The following MAP4 variants were observed in gnomAD, a reference collection of about 807,000 sequenced individuals.
The protein encoded by MAP4 is microtubule-associated protein 4.
In MAP4, 76 loss-of-function variants were observed where a neutral mutation model predicts 170.2. That is an observed-to-expected ratio of 0.45 (90% CI 0.37 to 0.54). The LOEUF (loss-of-function observed/expected upper bound fraction) is 0.54. Among genes scored for constraint, MAP4 ranks in the 20% least tolerant of loss-of-function variants. The probability of loss-of-function intolerance (pLI) is 0.00; values close to 1 mark genes in which losing one functional copy is unlikely to be tolerated. For missense variants in MAP4, 2,506 were observed against 2,748.0 expected, an observed-to-expected ratio of 0.91 and a Z score of 1.97; for synonymous variants, 909 against 994.5, an observed-to-expected ratio of 0.91 and a Z score of 1.62.
intron 3 of MAP4, among the ~76,000 whole-genome samples, chr3:47,937,656 C>CTTTTTTTTT (rs71070243): frequency 9.3e-6 from 1 of 107,934 alleles, no homozygotes; most frequent in African/African-American, 3.8e-5. Flanking sequence ...TTTTCTTCTT[C>CTTTTTTTTT]TTTTTTTTTT....
Position 48,076,599 on chromosome 3 carries a change from AG to A in MAP4, c.-20+12173del, listed in dbSNP as rs552029274. On this transcript the variant is annotated intron_variant, in intron 1 of 18. Coordinates refer to the MAP4 transcript ENST00000360240. ...GAGACTGAGGTGGAAGGATAGCTTG[AG>A]CCTGAGAGGTGGAGGCTGCAGTGGG... is the stretch of plus-strand genomic sequence containing the variant. 1.1e-3 allele frequency among the ~76,000 whole-genome samples: 172 copies of A among 152,076 alleles called. 1 individual carries two copies. Among genetic ancestry groups the A allele is most frequent in the Non-Finnish European group, 1.7e-3 (114 of 68,004 alleles).
In MAP4 at chr3:47,911,873, C is replaced by A; in HGVS notation, c.2548G>T (p.Val850Phe). 1 of 1,536,074 alleles carries A rather than the reference C, an allele frequency of 6.5e-7. No homozygotes were observed. The highest frequency in any genetic ancestry group is 8.7e-7 in the Non-Finnish European group (1 of 1,146,874). Residue 850 changes from valine (V) to phenylalanine (F), a missense_variant, in exon 9 of 21, where the codon GTC becomes TTC. By Grantham distance (50) the Val-to-Phe change is conservative. Coordinates refer to ENST00000683076, the MANE Select transcript of MAP4 (RefSeq NM_001385682.1). The surrounding 1 kb of genome is among the most constrained non-coding windows in gnomAD (Gnocchi z 4.0). The part of the protein sequence containing the change: ...SAARLVAENF[V>F]SESLRIPLYP... ...AAAGGAATTCTGAGACTCTCTGAGA[C>A]AAAGTTCTCAGCTACCAGTCTGGCT...
At chr3:47,947,578 C>G (rs547301521) in intron 3 of MAP4, among the ~76,000 whole-genome samples, 1 of 151,866 alleles carries the variant, frequency 6.6e-6, no homozygotes, top group Non-Finnish European at 1.5e-5. Flanking sequence ...TTTGGGAGGC[C>G]GAGGAGGGCA....
At chr3:47,876,726 C>A (rs1240590426) in intron 11 of MAP4, among the ~76,000 whole-genome samples, 1 of 152,116 alleles carries the variant, frequency 6.6e-6, no homozygotes, top group Non-Finnish European at 1.5e-5. Flanking sequence ...GCATCTGAAG[C>A]TATATGATCC....
At chr3:47,871,777 T>A in intron 13 of MAP4, 140 bp downstream of exon 13, 1 of 735,252 alleles carries the variant, frequency 1.4e-6, no homozygotes, top group Non-Finnish European at 2.2e-6. Context: ...GCTACCACTG[T>A]TCCAGGTAGT....
At chr3:48,067,419 G>A (rs1049117066) in intron 1 of MAP4, among the ~76,000 whole-genome samples, 1 of 152,062 alleles carries the variant, frequency 6.6e-6, no homozygotes, top group Non-Finnish European at 1.5e-5. Flanking sequence ...GCCTCTATCT[G>A]CTGGGCTCAT....
intron 3 of MAP4, chr3:47,973,714 G>A (rs1286630896): frequency 2.0e-6 from 2 of 985,288 alleles, no homozygotes; most frequent in Non-Finnish European, 2.4e-6. Context: ...TACAGGGACT[G>A]GTTACGAGCA....
intron 1 of MAP4, among the ~76,000 whole-genome samples, chr3:48,071,016 C>T (rs1408175753): frequency 6.6e-6 from 1 of 151,762 alleles, no homozygotes; most frequent in Non-Finnish European, 1.5e-5. Context: ...CAGAGTGGGA[C>T]CTTGTCTCAA....
intron 2 of MAP4, 87 bp from the exon 3 acceptor site, chr3:47,978,020 T>C (rs2100083213): frequency 2.3e-6 from 2 of 864,786 alleles, no homozygotes; most frequent in Non-Finnish European, 4.0e-6. Context: ...GGAGTTTTTC[T>C]CACTCTTTGT....
intron 1 of MAP4, among the ~76,000 whole-genome samples, chr3:48,047,341 T>G (rs1386612114): frequency 1.3e-5 from 2 of 151,994 alleles, no homozygotes; most frequent in Non-Finnish European, 2.9e-5. Context: ...CAGTTCTCCA[T>G]ATGGTCACCA....
chr3:48,062,291 T>C (rs985522356), intron 1 of MAP4, among the ~76,000 whole-genome samples: 1 of 152,022 alleles, frequency 6.6e-6, no homozygotes, highest in Non-Finnish European at 1.5e-5. Flanking sequence ...AACAGATGCT[T>C]GAAGGCAGCA....
chr3:48,031,654 G>A (rs1207452697), intron 1 of MAP4, among the ~76,000 whole-genome samples: 1 of 152,202 alleles, frequency 6.6e-6, no homozygotes, highest in Admixed American at 6.5e-5. Flanking sequence ...GGGCCCTGGA[G>A]GCCAGGGTTG....
At chr3:47,974,200 T>A (rs2100080576) in intron 3 of MAP4, 1 of 762,532 alleles carries the variant, frequency 1.3e-6, no homozygotes, top group African/African-American at 1.9e-5. Flanking sequence ...CCAAGGCGGG[T>A]GGATCACTTG....
chr3:47,856,723 G>A (rs1007164813), intron 18 of MAP4, among the ~76,000 whole-genome samples: 4 of 152,236 alleles, frequency 2.6e-5, no homozygotes, highest in African/African-American at 4.8e-5. Flanking sequence ...CACCGCGCCC[G>A]CCCTGAGGGA....
At chr3:47,870,471 C>T (rs1013995188) in intron 15 of MAP4, among the ~76,000 whole-genome samples, 1 of 152,152 alleles carries the variant, frequency 6.6e-6, no homozygotes, top group Admixed American at 6.5e-5. Context: ...AAAAACTAGG[C>T]TCATGTCAAG....
chr3:47,969,468 A>G (rs571154294), intron 3 of MAP4, among the ~76,000 whole-genome samples: 1 of 152,168 alleles, frequency 6.6e-6, no homozygotes, highest in Admixed American at 6.5e-5. Context: ...AGTTCCTTCA[A>G]ATTTCCTCTA....
intron 3 of MAP4, among the ~76,000 whole-genome samples, chr3:47,952,380 G>A (rs1233714484): frequency 1.3e-5 from 2 of 152,204 alleles, no homozygotes; most frequent in African/African-American, 4.8e-5. Flanking sequence ...ACCCAGTCTG[G>A]GAGGTGTACC....
At chr3:48,021,033 C>T (rs915532552), upstream of MAP4, among the ~76,000 whole-genome samples, 5 of 152,054 alleles carry the variant, frequency 3.3e-5, no homozygotes, top group African/African-American at 1.2e-4. Flanking sequence ...AAGTTGAGTC[C>T]GAGAGGCACC....
At position 48,079,830 on chromosome 3, in the gene MAP4, G is replaced by A. The variant is rs545012773; in HGVS notation, c.-20+8943C>T. Among the ~76,000 whole-genome samples, 6 of 149,076 alleles carry A rather than the reference G, an allele frequency of 4.0e-5. 1 individual carries two copies. In the South Asian group the frequency reaches 1.3e-3, roughly 32 times the overall value. ...CTGGGCACGGTGGCAGGTACTTGTA[G>A]TCCCAGCTACTCGGGAGGCTGAGGC... On this transcript the variant is annotated intron_variant, in intron 1 of 18. Transcript: ENST00000360240.
Sources: allele counts gnomAD v4.1 joint callset (sites outside exome capture counted in the v4.1 genomes callset), GRCh38; gene constraint gnomAD v4.1.1; non-coding constraint Gnocchi (gnomAD v3.1); transcripts MANE v1.5; gene names NCBI Gene and HGNC (gene_info 2026-07-23, HGNC 2026-07-21).